Variants in SCN11A observed in about 807,000 individuals in gnomAD.
SCN11A encodes sodium voltage-gated channel alpha subunit 11, also known as sodium channel protein type 11 subunit alpha.
SCN11A carries 122 observed loss-of-function variants against 162.2 expected under a neutral mutation model. The observed-to-expected ratio is 0.75, with a 90% CI of 0.65 to 0.87. The LOEUF (loss-of-function observed/expected upper bound fraction) is 0.87. Among genes scored for constraint, SCN11A ranks in the 40% least tolerant of loss-of-function variants. SCN11A has a pLI of 0.00. For missense variants in SCN11A, 2,015 were observed against 2,181.6 expected, an observed-to-expected ratio of 0.92 and a Z score of 1.52; for synonymous variants, 758 against 751.5, an observed-to-expected ratio of 1.01 and a Z score of -0.14.
intron 23 of SCN11A, among the ~76,000 whole-genome samples, chr3:38,878,532 CT>C (rs773522553): frequency 6.6e-6 from 1 of 152,020 alleles, no homozygotes; most frequent in Non-Finnish European, 1.5e-5. Context: ...TTAGGGTTTT[CT>C]TTTTACTATA....
chr3:38,921,865 C>T (rs55823463), intron 9 of SCN11A, among the ~76,000 whole-genome samples: 2,420 of 152,206 alleles, frequency 0.016, 67 homozygotes, highest in African/African-American at 0.056. Flanking sequence ...TGTTAAGCTG[C>T]CAAAGTTACA....
intron 2 of SCN11A, among the ~76,000 whole-genome samples, chr3:38,978,254 A>G (rs537626403): frequency 4.3e-4 from 65 of 152,330 alleles, no homozygotes; most frequent in Middle Eastern, 3.4e-3. Context: ...GAACACCTGT[A>G]TAACTATTAA....
intron 20 of SCN11A, 127 bp downstream of exon 20, chr3:38,885,998 C>A (rs2065391393): frequency 3.3e-6 from 2 of 612,128 alleles, no homozygotes; most frequent in African/African-American, 3.7e-5. Flanking sequence ...CTGGCCTAGA[C>A]TTTTGCTCAA....
rs1406051387 is a variant in SCN11A at position 38,894,604 on chromosome 3, C to T, written c.2764G>A (p.Glu922Lys). 6.2e-7 allele frequency: 1 copy of T among 1,614,140 alleles called. No homozygotes were observed. The highest frequency in any genetic ancestry group is 2.2e-5 in the East Asian group (1 of 44,888). Residue 922 changes from glutamate (E) to lysine (K), a missense_variant, in exon 19 of 30, where the codon GAG (glutamate) becomes AAG (lysine). By Grantham distance (56) the Glu-to-Lys change is moderately conservative. Transcript: ENST00000302328. ...DWTWLAPLAE[E>K]EDDVEFSGED... ...CCAGAAAATTCAACGTCATCTTCCT[C>T]CTCCGCAAGTGGTGCCAACCAAGTC...
At position 38,847,185 on chromosome 3, in the gene SCN11A, C is replaced by G. The variant is rs567264000; in HGVS notation, c.4885G>C (p.Val1629Leu). The G allele has an allele frequency of 1.2e-6, 2 of 1,614,154 alleles. No homozygotes were observed. Among genetic ancestry groups the G allele is most frequent in the African/African-American group, 2.7e-5 (2 of 75,066 alleles). Reference sequence around the variant, plus strand: ...GCTTCTGGGTCAAACTTTTCCCACACTTCATAAAATATGTCAAAGTCATCT... The same window carrying G: ...GCTTCTGGGTCAAACTTTTCCCACAGTTCATAAAATATGTCAAAGTCATCT... ...GEDDFDIFYE[V>L]WEKFDPEATQ... is the part of the protein sequence containing the mutation. The change falls in exon 30 of 30, where the codon GTG (valine) becomes CTG (leucine). Residue 1629 changes from valine to leucine, a missense_variant. Transcript: ENST00000302328.
At chr3:38,993,019 C>T (rs899799946) in intron 2 of SCN11A, among the ~76,000 whole-genome samples, 3 of 152,190 alleles carry the variant, frequency 2.0e-5, no homozygotes, top group Non-Finnish European at 2.9e-5. Context: ...GCCAATGCTG[C>T]ACTCTGCCCA....
chr3:38,952,321 T>C (rs1346924516), intron 4 of SCN11A, among the ~76,000 whole-genome samples: 2 of 152,192 alleles, frequency 1.3e-5, no homozygotes, highest in Admixed American at 6.5e-5. Context: ...AACTAGACAC[T>C]GAAAAGAAGC....
chr3:38,953,816 T>C (rs757123275), intron 3 of SCN11A, among the ~76,000 whole-genome samples, 57 bp from the exon 4 acceptor site: 3 of 152,192 alleles, frequency 2.0e-5, no homozygotes, highest in Non-Finnish European at 2.9e-5. Flanking sequence ...AGTTCACACA[T>C]GTCAGGCTCT....
Position 38,880,099 on chromosome 3 carries a change from T to C in SCN11A, c.3244A>G (p.Asn1082Asp), listed in dbSNP as rs1281980551. Residue 1082 changes from asparagine to aspartate, a missense_variant, in exon 23 of 30, where the codon AAC (asparagine) becomes GAC (aspartate). Coordinates refer to ENST00000302328, the MANE Select transcript of SCN11A (RefSeq NM_001349253.2). Reference protein sequence around the residue: ...ALIFEDVHLENQPKIQELLNC... With the variant: ...ALIFEDVHLEDQPKIQELLNC... ...AGTAATTCTTGGATTTTGGGTTGGT[T>C]CTCAAGGTGAACATCTTCAAATATC... The C allele has an allele frequency of 6.2e-7, 1 of 1,610,742 alleles. No individual in the cohort carries two copies. Among genetic ancestry groups the C allele is most frequent in the Non-Finnish European group, 8.5e-7 (1 of 1,178,124 alleles).
At chr3:38,848,392 T>C (rs1473183489) in intron 29 of SCN11A, among the ~76,000 whole-genome samples, 5 of 152,086 alleles carry the variant, frequency 3.3e-5, no homozygotes, top group Admixed American at 6.5e-5. Context: ...TCTAGGGTTG[T>C]TAGGGGTCAT....
intron 16 of SCN11A, among the ~76,000 whole-genome samples, chr3:38,901,651 A>G (rs529649795): frequency 6.6e-6 from 1 of 152,300 alleles, no homozygotes; most frequent in Non-Finnish European, 1.5e-5. Context: ...TGGCCCATGC[A>G]TCAGAGGAGG....
intron 2 of SCN11A, among the ~76,000 whole-genome samples, chr3:39,018,421 T>C (rs1305554239): frequency 6.6e-6 from 1 of 152,222 alleles, no homozygotes; most frequent in East Asian, 1.9e-4. Context: ...TGGGTTCCCC[T>C]TCCTGTTCTA....
chr3:38,853,971 A>G (rs1428968244), intron 28 of SCN11A, among the ~76,000 whole-genome samples: 1 of 152,200 alleles, frequency 6.6e-6, no homozygotes, highest in African/African-American at 2.4e-5. Context: ...AGTACCTGAT[A>G]AAGCAGGATT....
chr3:38,863,220 G>T lies in SCN11A; in HGVS notation c.4031C>A (p.Pro1344His), dbSNP rs1295263360. ...NAMKKLGSKKPQKPIPRPLNK... is the reference protein window; with the variant it reads ...NAMKKLGSKKHQKPIPRPLNK... ...CAGAGGCCGTGGAATGGGTTTTTGA[G>T]GTTTTTTGGATCCTAATTTTTTCAT... The change falls in exon 28 of 30, where the codon CCT (proline) becomes CAT (histidine). Residue 1344 changes from proline (P) to histidine (H), a missense_variant. By Grantham distance (77) the Pro-to-His change is moderately conservative. Transcript: ENST00000302328. The T allele has an allele frequency of 2.4e-5, 39 of 1,600,418 alleles. No homozygotes were observed. Among genetic ancestry groups the T allele is most frequent in the Non-Finnish European group, 3.3e-5 (39 of 1,168,096 alleles).
chr3:38,871,353 T>A, intron 25 of SCN11A, 92 bp downstream of exon 25: 1 of 1,250,412 alleles, frequency 8.0e-7, no homozygotes, highest in Non-Finnish European at 1.1e-6. Flanking sequence ...ATTATCACAA[T>A]GGAGTCACTG....
At chr3:38,876,882 T>C (rs2065216146) in intron 23 of SCN11A, among the ~76,000 whole-genome samples, 1 of 151,784 alleles carries the variant, frequency 6.6e-6, no homozygotes, top group Non-Finnish European at 1.5e-5. Flanking sequence ...AATCATTATA[T>C]GAAAAAGACA....
At chr3:38,909,653 G>A (rs2065858448) in intron 12 of SCN11A, among the ~76,000 whole-genome samples, 1 of 150,526 alleles carries the variant, frequency 6.6e-6, no homozygotes, top group East Asian at 1.9e-4. Flanking sequence ...TGTGATCTCG[G>A]CTCATTGCAA....
chr3:39,049,457 A>T (rs2032269429), intron 1 of SCN11A, among the ~76,000 whole-genome samples: 1 of 152,254 alleles, frequency 6.6e-6, no homozygotes, highest in African/African-American at 2.4e-5. Context: ...AGGGAAAGCA[A>T]ATCTCAATCT....
At position 38,850,655 on chromosome 3, in the gene SCN11A, C is replaced by T. The variant is rs755650500; in HGVS notation, c.4153G>A (p.Ala1385Thr). Residue 1385 changes from alanine (A) to threonine (T), a missense_variant, in exon 29 of 30, where the codon GCT (alanine) becomes ACT (threonine). Physicochemically the swap from Ala to Thr is moderately conservative, Grantham distance 58 (BLOSUM62 0). Coordinates refer to ENST00000302328, the MANE Select transcript of SCN11A (RefSeq NM_001349253.2). The stretch of plus-strand genomic sequence containing the variant: ...GCTTTGGGTTGGTTGTATGATTCAG[C>T]CATCATGCTAATCATGTTTAGGATA... The part of the protein sequence containing the change: ...LIILNMISMM[A>T]ESYNQPKAMK... 1.4e-5 allele frequency: 23 copies of T among 1,613,652 alleles called. No homozygotes were observed. The East Asian group carries it at 4.7e-4, about 33-fold the overall frequency.
Sources: allele counts gnomAD v4.1 joint callset (sites outside exome capture counted in the v4.1 genomes callset), GRCh38; gene constraint gnomAD v4.1.1; transcripts MANE v1.5; gene names NCBI Gene and HGNC (gene_info 2026-07-23, HGNC 2026-07-21).